The following DYNC1I1 variants were observed in gnomAD, a reference collection of about 807,000 sequenced individuals.
DYNC1I1 encodes cytoplasmic dynein 1 intermediate chain 1.
In DYNC1I1, 43 loss-of-function variants were observed where a neutral mutation model predicts 86.6. The ratio of observed to expected loss-of-function variants is 0.50; its 90% CI spans 0.39 to 0.64. The LOEUF is 0.64. DYNC1I1 is among the 30% of genes least tolerant of loss of function. The probability of loss-of-function intolerance (pLI) is 0.00; values close to 1 mark genes in which losing one functional copy is unlikely to be tolerated. For synonymous variants in DYNC1I1, 262 were observed against 283.7 expected (o/e 0.92, Z 0.77); for missense variants, 604 against 788.8 (o/e 0.77, Z 2.81).
Position 95,845,126 on chromosome 7 carries a change from G to A in DYNC1I1, c.374+17010G>A, listed in dbSNP as rs569735354. ...TTCTCACTGTTATAATTTTTGCAAA[G>A]GTGGTTTCACTAGTAGGTGGTGACC... On this transcript the variant is annotated intron_variant, in intron 5 of 16. Coordinates refer to ENST00000447467, the MANE Select transcript of DYNC1I1 (RefSeq NM_001135556.2). 1.2e-4 allele frequency among the ~76,000 whole-genome samples: 19 copies of A among 152,280 alleles called. 1 individual carries two copies. The South Asian group carries it at 3.3e-3, about 27-fold the overall frequency.
At chr7:95,808,358 C>A (rs1196207098) in intron 2 of DYNC1I1, among the ~76,000 whole-genome samples, 1 of 152,078 alleles carries the variant, frequency 6.6e-6, no homozygotes, top group Non-Finnish European at 1.5e-5. Flanking sequence ...TGAATTAGGA[C>A]CACCCAAGTT....
intron 1 of DYNC1I1, among the ~76,000 whole-genome samples, chr7:95,800,350 G>A (rs1030865475): frequency 6.6e-6 from 1 of 152,046 alleles, no homozygotes; most frequent in Non-Finnish European, 1.5e-5. Flanking sequence ...GGGGTGAAAT[G>A]GGGATTGTGT....
chr7:96,101,183 G>A (rs1046839339), downstream of DYNC1I1, among the ~76,000 whole-genome samples: 1 of 152,184 alleles, frequency 6.6e-6, no homozygotes. Context: ...TTTACCCATA[G>A]GAAGTTGTGG....
intron 1 of DYNC1I1, among the ~76,000 whole-genome samples, chr7:95,790,087 G>C (rs1035554143): frequency 6.6e-6 from 1 of 152,156 alleles, no homozygotes; most frequent in Non-Finnish European, 1.5e-5. Context: ...TGCTTGCTCA[G>C]ATCCTTCTGT....
At chr7:96,028,387 A>G in intron 11 of DYNC1I1, 66 bp downstream of exon 11, 1 of 1,544,518 alleles carries the variant, frequency 6.5e-7, no homozygotes. Context: ...AACTCTACTC[A>G]AAAAAGTATG....
intron 5 of DYNC1I1, among the ~76,000 whole-genome samples, chr7:95,840,277 T>C (rs1224249774): frequency 6.6e-6 from 1 of 152,144 alleles, no homozygotes; most frequent in African/African-American, 2.4e-5. Context: ...TTTTTTCCTT[T>C]TTGCTCCTCT....
intron 6 of DYNC1I1, among the ~76,000 whole-genome samples, chr7:95,897,465 C>A (rs955443463): frequency 6.7e-6 from 1 of 150,150 alleles, no homozygotes; most frequent in Admixed American, 6.6e-5. Flanking sequence ...TTTTGGCATT[C>A]TTTCCTGTGG....
rs773947578 is a variant in DYNC1I1 at position 96,035,602 on chromosome 7, A to C, written c.1231-17A>C. On this transcript the variant is annotated splice_polypyrimidine_tract_variant and intron_variant, in intron 12 of 16. Transcript: ENST00000447467. ...GGAGTTGACAGATGGAAATGTAACC[A>C]CACCGTGTTTTGGTAGGAGAGCATG... 2 of 1,564,212 alleles carry C rather than the reference A, an allele frequency of 1.3e-6. No homozygotes were observed. Among genetic ancestry groups the C allele is most frequent in the Middle Eastern group, 3.4e-4 (2 of 5,914 alleles).
At chr7:95,781,988 C>A (rs987017700) in intron 1 of DYNC1I1, among the ~76,000 whole-genome samples, 2 of 152,122 alleles carry the variant, frequency 1.3e-5, no homozygotes, top group African/African-American at 4.8e-5. Flanking sequence ...TGGACCAACA[C>A]AACAAAAAAA....
intron 10 of DYNC1I1, among the ~76,000 whole-genome samples, chr7:96,002,080 A>G (rs1329323833): frequency 6.6e-6 from 1 of 152,120 alleles, no homozygotes; most frequent in Non-Finnish European, 1.5e-5. Context: ...TCATTCAACA[A>G]TTATTTTGGA....
intron 5 of DYNC1I1, among the ~76,000 whole-genome samples, chr7:95,864,310 C>T (rs1269588582): frequency 1.3e-5 from 2 of 152,146 alleles, no homozygotes; most frequent in Non-Finnish European, 2.9e-5. Flanking sequence ...ATGGACAGAA[C>T]CTGGGTGGAT....
At chr7:96,016,291 G>T (rs1222313407) in intron 10 of DYNC1I1, among the ~76,000 whole-genome samples, 9 of 150,030 alleles carry the variant, frequency 6.0e-5, no homozygotes, top group Non-Finnish European at 1.3e-4. Flanking sequence ...GTGCTTAGTA[G>T]AACACTTTAG....
At chr7:96,014,606 T>A (rs1289187226) in intron 10 of DYNC1I1, among the ~76,000 whole-genome samples, 1 of 152,310 alleles carries the variant, frequency 6.6e-6, no homozygotes, top group East Asian at 1.9e-4. Flanking sequence ...TCTAATCAAA[T>A]GGGGCTCAAA....
chr7:95,776,796 C>G (rs1380394095), intron 1 of DYNC1I1, among the ~76,000 whole-genome samples: 2 of 152,188 alleles, frequency 1.3e-5, no homozygotes, highest in Admixed American at 6.5e-5. Flanking sequence ...GCAGGCAGTC[C>G]TAGCTTGGCT....
intron 10 of DYNC1I1, among the ~76,000 whole-genome samples, chr7:96,025,429 A>T (rs1008201949): frequency 1.3e-5 from 2 of 152,046 alleles, no homozygotes; most frequent in Admixed American, 1.3e-4. Context: ...CAAACAGAAA[A>T]TGAAAAAAAA....
chr7:95,891,628 G>A (rs1408110484), intron 6 of DYNC1I1, among the ~76,000 whole-genome samples: 1 of 152,180 alleles, frequency 6.6e-6, no homozygotes, highest in Non-Finnish European at 1.5e-5. Context: ...GGCCTAGGGA[G>A]AGTTTTAATG....
At chr7:96,055,169 C>G (rs945419789) in intron 14 of DYNC1I1, among the ~76,000 whole-genome samples, 1 of 152,002 alleles carries the variant, frequency 6.6e-6, no homozygotes, top group Non-Finnish European at 1.5e-5. Flanking sequence ...GGTCTAATTT[C>G]AGTTTTTTGC....
At position 95,780,367 on chromosome 7, in the gene DYNC1I1, A is replaced by G. The variant is rs188795214; in HGVS notation, c.-10+7594A>G. On this transcript the variant is annotated intron_variant, in intron 1 of 16. Transcript: ENST00000447467. The stretch of plus-strand genomic sequence containing the variant: ...ACTGCAAGCTCTGCCTCCAGGGTTC[A>G]TGCTATTCTCCTGCCTCAGCCTCCC... 3.0e-3 allele frequency among the ~76,000 whole-genome samples: 450 copies of G among 151,096 alleles called. 3 individuals carry two copies. The highest frequency in any genetic ancestry group is 0.01 in the African/African-American group (423 of 41,064).
intron 1 of DYNC1I1, among the ~76,000 whole-genome samples, chr7:95,781,555 A>AT (rs971968565): frequency 2.6e-5 from 4 of 152,126 alleles, no homozygotes; most frequent in Admixed American, 2.0e-4. Context: ...TGACTGAGCC[A>AT]TTTTTCTCAG....
Sources: allele counts gnomAD v4.1 joint callset (sites outside exome capture counted in the v4.1 genomes callset), GRCh38; gene constraint gnomAD v4.1.1; transcripts MANE v1.5; gene names NCBI Gene and HGNC (gene_info 2026-07-23, HGNC 2026-07-21).